Variants in EFCAB6 observed in about 807,000 individuals in gnomAD.
EFCAB6 encodes EF-hand calcium binding domain 6, also known as EF-hand calcium-binding domain-containing protein 6.
Under a neutral mutation model 169.8 loss-of-function variants are expected in EFCAB6, and 156 were observed. That is an observed-to-expected ratio of 0.92 (90% CI 0.81 to 1.05). EFCAB6 has a LOEUF of 1.05. Among genes scored for constraint, EFCAB6 ranks in the 50% least tolerant of loss-of-function variants. The pLI is 0.00. For missense variants in EFCAB6, 1,800 were observed against 1,829.1 expected, an observed-to-expected ratio of 0.98 and a Z score of 0.29; for synonymous variants, 698 against 676.4, an observed-to-expected ratio of 1.03 and a Z score of -0.50.
chr22:43,684,035 G>A (rs1162193484), intron 11 of EFCAB6, among the ~76,000 whole-genome samples, 180 bp from the exon 12 acceptor site: 2 of 152,152 alleles, frequency 1.3e-5, no homozygotes, highest in East Asian at 3.9e-4. Flanking sequence ...ACTGTGATCA[G>A]AGAGATGCCA....
intron 24 of EFCAB6, among the ~76,000 whole-genome samples, chr22:43,583,890 A>C (rs1333350450): frequency 2.0e-5 from 3 of 152,178 alleles, no homozygotes; most frequent in African/African-American, 7.2e-5. Context: ...AAAGGGACTG[A>C]GACATATGTG....
chr22:43,717,584 T>C (rs2059378223), intron 8 of EFCAB6, among the ~76,000 whole-genome samples: 1 of 152,156 alleles, frequency 6.6e-6, no homozygotes, highest in Non-Finnish European at 1.5e-5. Flanking sequence ...CCAATAAATG[T>C]ATGGACTACT....
intron 10 of EFCAB6, among the ~76,000 whole-genome samples, chr22:43,706,653 T>C (rs181974633): frequency 3.3e-5 from 5 of 152,368 alleles, no homozygotes; most frequent in East Asian, 1.9e-4. Context: ...AATAGTCTGA[T>C]GTATAAAGTG....
intron 23 of EFCAB6, among the ~76,000 whole-genome samples, chr22:43,598,699 T>G (rs1305396740): frequency 6.6e-6 from 1 of 152,194 alleles, no homozygotes; most frequent in Admixed American, 6.5e-5. Flanking sequence ...GGATTTCCCA[T>G]TTACCCTGAA....
chr22:43,760,813 C>A (rs1489392995), intron 5 of EFCAB6, among the ~76,000 whole-genome samples: 1 of 152,186 alleles, frequency 6.6e-6, no homozygotes, highest in African/African-American at 2.4e-5. Flanking sequence ...CAGGCACGCG[C>A]CACCACATGC....
At chr22:43,588,036 C>G (rs1190337153) in intron 24 of EFCAB6, among the ~76,000 whole-genome samples, 1 of 152,110 alleles carries the variant, frequency 6.6e-6, no homozygotes, top group Non-Finnish European at 1.5e-5. Flanking sequence ...TATCTTAAGT[C>G]CTAATTTAAC....
Position 43,809,045 on chromosome 22 carries a change from A to C in EFCAB6, c.-58T>G, listed in dbSNP as rs1395505946. 1 of 152,202 alleles carries C rather than the reference A, an allele frequency of 6.6e-6. No homozygotes were observed. The highest frequency in any genetic ancestry group is 1.5e-5 in the Non-Finnish European group (1 of 68,036). The allele number at this position is 152,202 out of a possible 1,614,324, so 9.4% of individuals were successfully genotyped here. ...ATTCAGTTCAAATGCTAAAGTCCAC[A>C]TTCTCTCCCTGAAGAGTGAGGACAT... On this transcript the variant is annotated 5_prime_UTR_variant, in exon 2 of 32. It removes an upstream start codon present in the reference 5' UTR. Transcript: ENST00000262726.
intron 12 of EFCAB6, among the ~76,000 whole-genome samples, chr22:43,680,940 T>C (rs2057981295): frequency 6.6e-6 from 1 of 152,220 alleles, no homozygotes; most frequent in Non-Finnish European, 1.5e-5. Context: ...TTTTCAATCT[T>C]GATGCCTTTT....
rs2050907440 is a variant in EFCAB6 at position 43,584,164 on chromosome 22, G to C, written c.3033-3505C>G. Among the ~76,000 whole-genome samples the C allele has an allele frequency of 4.6e-5, 7 of 152,198 alleles. No individual in the cohort carries two copies. The South Asian group carries it at 1.5e-3, about 32-fold the overall frequency. On this transcript the variant is annotated intron_variant, in intron 24 of 31. Transcript: ENST00000262726. ...CTACCTATCCAAAGGAAAAATCAAA[G>C]TGTAGCTGCCAAAAGCTGGACATGG...
rs1482985111 is a variant in EFCAB6, at chr22:43,782,252, A to C, written c.67T>G (p.Ser23Ala). Residue 23 changes from serine to alanine, a missense_variant, in exon 3 of 32, where the codon TCA becomes GCA. Ser to Ala is a moderately conservative substitution (Grantham distance 99, BLOSUM62 1). Coordinates refer to ENST00000262726, the MANE Select transcript of EFCAB6 (RefSeq NM_022785.4). ...SHPHTRKFTH[S>A]RPHSSPCRVY... ...CTACACGGTGAAGAATGGGGTCTTG[A>C]ATGTGTAAATTTTCGTGTGTGAGGA... The C allele has an allele frequency of 6.2e-7, 1 of 1,614,132 alleles. No homozygotes were observed.
intron 17 of EFCAB6, among the ~76,000 whole-genome samples, chr22:43,648,891 G>C (rs1363498324): frequency 6.6e-6 from 1 of 152,182 alleles, no homozygotes; most frequent in Non-Finnish European, 1.5e-5. Context: ...CACTGATTTA[G>C]ATGCTAGAGA....
At chr22:43,763,023 T>C (rs925666147) in intron 5 of EFCAB6, among the ~76,000 whole-genome samples, 2 of 152,154 alleles carry the variant, frequency 1.3e-5, no homozygotes, top group Non-Finnish European at 2.9e-5. Context: ...TGTGTCACTC[T>C]TGCTGGAGCT....
chr22:43,569,562 C>G (rs1399374297), intron 26 of EFCAB6, among the ~76,000 whole-genome samples: 1 of 152,222 alleles, frequency 6.6e-6, no homozygotes, highest in Non-Finnish European at 1.5e-5. Flanking sequence ...CCCACTGAAC[C>G]ACCACGTGAT....
At chr22:43,722,595 G>GC (rs1233435206) in intron 8 of EFCAB6, among the ~76,000 whole-genome samples, 10 of 151,736 alleles carry the variant, frequency 6.6e-5, no homozygotes, top group Non-Finnish European at 1.0e-4. Flanking sequence ...GAACACTCAG[G>GC]CATTGTTGGT....
chr22:43,630,079 G>A (rs746008915), intron 19 of EFCAB6, among the ~76,000 whole-genome samples: 1 of 152,114 alleles, frequency 6.6e-6, no homozygotes, highest in Non-Finnish European at 1.5e-5. Flanking sequence ...TCGGAGGATC[G>A]CTTGAGCCCA....
intron 26 of EFCAB6, among the ~76,000 whole-genome samples, chr22:43,569,513 C>G (rs932400): frequency 0.75 from 113,550 of 152,210 alleles, 42,488 homozygotes; most frequent in Admixed American, 0.81. Flanking sequence ...AAGCTCAAAG[C>G]CTGAGGAGGA....
rs151199244 is a variant in EFCAB6 at position 43,605,669 on chromosome 22, T to C, written c.2681+2813A>G. Among the ~76,000 whole-genome samples, 88 of 152,150 alleles carry C rather than the reference T, an allele frequency of 5.8e-4. 1 individual carries two copies. The East Asian group carries it at 0.017, about 29-fold the overall frequency. On this transcript the variant is annotated intron_variant, in intron 22 of 31. Coordinates refer to ENST00000262726, the MANE Select transcript of EFCAB6 (RefSeq NM_022785.4). ...AAAAAAAAATCTCAGTTTCACAAGA[T>C]GGAAAGAGTTCTGGAGCTGGACGGT...
chr22:43,767,942 C>G (rs935188395), intron 4 of EFCAB6, among the ~76,000 whole-genome samples: 1 of 152,246 alleles, frequency 6.6e-6, no homozygotes, highest in Non-Finnish European at 1.5e-5. Context: ...GAATCAAAAC[C>G]ATCTATAGAC....
intron 17 of EFCAB6, among the ~76,000 whole-genome samples, chr22:43,663,507 C>G (rs1471886050): frequency 1.3e-5 from 2 of 152,244 alleles, no homozygotes; most frequent in African/African-American, 4.8e-5. Context: ...AGTAGCCTGA[C>G]TGTTGAAAAT....
Sources: gnomAD v4.1 joint callset for allele counts (sites outside exome capture counted in the v4.1 genomes callset) on GRCh38, gnomAD v4.1.1 for gene constraint, MANE v1.5 for transcripts, NCBI Gene and HGNC (gene_info 2026-07-23, HGNC 2026-07-21) for gene names.